Variants in MTX2 observed in about 807,000 individuals in gnomAD.
MTX2 encodes the protein metaxin-2.
In MTX2, 35 loss-of-function variants were observed where a neutral mutation model predicts 42.3. That is an observed-to-expected ratio of 0.83 (90% confidence interval 0.63 to 1.10). The LOEUF (loss-of-function observed/expected upper bound fraction) is 1.10, where lower values mean the gene tolerates loss of function less well. MTX2 is among the 50% of genes least tolerant of loss of function. The pLI, the probability that MTX2 is intolerant of heterozygous loss-of-function variation, is 0.00. For synonymous variants in MTX2, 119 were observed against 100.9 expected, an observed-to-expected ratio of 1.18 and a Z score of -1.08; for missense variants, 307 against 304.1, an observed-to-expected ratio of 1.01 and a Z score of -0.07.
At chr2:176,301,788 A>G (rs896677960) in intron 3 of MTX2, among the ~76,000 whole-genome samples, 2 of 152,180 alleles carry the variant, frequency 1.3e-5, no homozygotes, top group Non-Finnish European at 2.9e-5. Context: ...GTTTACATTA[A>G]GGAGTAAAAG....
At chr2:176,326,351 T>C in intron 4 of MTX2, among the ~76,000 whole-genome samples, 1 of 151,710 alleles carries the variant, frequency 6.6e-6, no homozygotes, top group South Asian at 2.1e-4. Flanking sequence ...CTTAAAATGT[T>C]GATCTCAATG....
At chr2:176,326,985 C>A in intron 5 of MTX2, 84 bp downstream of exon 5, 1 of 765,796 alleles carries the variant, frequency 1.3e-6, no homozygotes, top group East Asian at 3.1e-5. Flanking sequence ...ACATTGATTT[C>A]AACCTAGTTT....
chr2:176,327,253 A>G (rs1388266649), intron 5 of MTX2, among the ~76,000 whole-genome samples: 1 of 151,162 alleles, frequency 6.6e-6, no homozygotes, highest in Non-Finnish European at 1.5e-5. Context: ...TGACCTTTGA[A>G]AAGGGAGATA....
chr2:176,332,213 AT>A (rs1684879792), intron 9 of MTX2, among the ~76,000 whole-genome samples: 2 of 151,362 alleles, frequency 1.3e-5, no homozygotes, highest in African/African-American at 4.8e-5. Context: ...AAGAGATTTG[AT>A]TTTTAATTTT....
intron 3 of MTX2, among the ~76,000 whole-genome samples, chr2:176,312,330 A>G (rs1375606006): frequency 5.9e-5 from 9 of 152,292 alleles, no homozygotes; most frequent in Admixed American, 1.3e-4. Flanking sequence ...TTGTATGCCA[A>G]GGACTAAAGT....
chr2:176,336,514 A>G lies in MTX2; in HGVS notation c.621-979A>G, dbSNP rs535397001. On this transcript the variant is annotated intron_variant, in intron 9 of 9. Coordinates refer to ENST00000249442, the MANE Select transcript of MTX2 (RefSeq NM_006554.5). ...TTATGCATCTATTAAAACACTTAAT[A>G]AATTGTATTTATTAAAACAACTTTA... 2.0e-5 allele frequency among the ~76,000 whole-genome samples: 3 copies of G among 152,282 alleles called. No homozygotes were observed. In the East Asian group the frequency reaches 5.8e-4, roughly 29 times the overall value.
intron 1 of MTX2, among the ~76,000 whole-genome samples, chr2:176,270,985 A>G (rs776621197): frequency 4.6e-5 from 7 of 152,238 alleles, no homozygotes; most frequent in Non-Finnish European, 7.3e-5. Flanking sequence ...TGAAAAAAAA[A>G]ACTTCACAGT....
At chr2:176,287,291 G>A (rs946762965) in intron 1 of MTX2, among the ~76,000 whole-genome samples, 31 of 152,160 alleles carry the variant, frequency 2.0e-4, no homozygotes, top group African/African-American at 7.2e-4. Flanking sequence ...ATTTGTAGCT[G>A]TGGCTAAATT....
At chr2:176,333,489 G>T (rs1167630669) in intron 9 of MTX2, among the ~76,000 whole-genome samples, 1 of 151,624 alleles carries the variant, frequency 6.6e-6, no homozygotes, top group Non-Finnish European at 1.5e-5. Flanking sequence ...TTGTGTAACT[G>T]TCACCTATCA....
chr2:176,271,964 G>A (rs1021142961), intron 1 of MTX2, among the ~76,000 whole-genome samples: 2 of 152,086 alleles, frequency 1.3e-5, no homozygotes, highest in Non-Finnish European at 2.9e-5. Context: ...CATTGCAGCA[G>A]TATTCACAAT....
rs936383962 is a variant in MTX2 at position 176,278,326 on chromosome 2, T to C, written c.40+8657T>C. 5.3e-5 allele frequency among the ~76,000 whole-genome samples: 8 copies of C among 152,124 alleles called. No homozygotes were observed. The East Asian group carries it at 5.8e-4, about 11-fold the overall frequency. Reference sequence around the variant, plus strand: ...TCAGCCTCCCAAAGTGCTGGGATTATAGGTGTGAGCCACTGCACCTGGCCA... The same window carrying C: ...TCAGCCTCCCAAAGTGCTGGGATTACAGGTGTGAGCCACTGCACCTGGCCA... On this transcript the variant is annotated intron_variant, in intron 1 of 9. Transcript: ENST00000249442.
At chr2:176,313,388 C>CTTTTTTTTTTTTTT (rs1207416607) in intron 3 of MTX2, among the ~76,000 whole-genome samples, 3 of 103,510 alleles carry the variant, frequency 2.9e-5, no homozygotes, top group African/African-American at 1.2e-4. Context: ...TACACTGATT[C>CTTTTTTTTTTTTTT]TTTTTTTTTT....
At chr2:176,296,838 T>C (rs759832593) in intron 1 of MTX2, 22 bp from the exon 2 acceptor site, 14 of 1,612,630 alleles carry the variant, frequency 8.7e-6, no homozygotes, top group African/African-American at 2.7e-5. Context: ...TGTGCCTAAT[T>C]ATCACTGCCT....
At chr2:176,285,158 A>G (rs1693165305) in intron 1 of MTX2, among the ~76,000 whole-genome samples, 1 of 152,202 alleles carries the variant, frequency 6.6e-6, no homozygotes, top group South Asian at 2.1e-4. Context: ...GCTGTCACTT[A>G]CTAGCATTGT....
intron 3 of MTX2, among the ~76,000 whole-genome samples, chr2:176,313,432 T>A (rs7568154): frequency 0.26 from 37,527 of 141,824 alleles, 5,322 homozygotes; most frequent in African/African-American, 0.35. Context: ...TCACTCTGTC[T>A]CCCAGACTGG....
At chr2:176,281,766 A>G (rs898578222) in intron 1 of MTX2, among the ~76,000 whole-genome samples, 1 of 151,958 alleles carries the variant, frequency 6.6e-6, no homozygotes, top group African/African-American at 2.4e-5. Flanking sequence ...CTAAAGAAGG[A>G]TGGGGATAGA....
At chr2:176,329,052 C>T in intron 7 of MTX2, 140 bp downstream of exon 7, 2 of 897,088 alleles carry the variant, frequency 2.2e-6, no homozygotes, top group Non-Finnish European at 1.7e-6. Context: ...TTTAATTTTG[C>T]TTGCACATAA....
At chr2:176,288,238 A>G (rs1037067094) in intron 1 of MTX2, among the ~76,000 whole-genome samples, 2 of 152,084 alleles carry the variant, frequency 1.3e-5, no homozygotes, top group Admixed American at 6.6e-5. Context: ...ATAAAGTCCC[A>G]TATCATCATA....
intron 3 of MTX2, among the ~76,000 whole-genome samples, chr2:176,306,394 G>A (rs1684144987): frequency 6.6e-6 from 1 of 152,150 alleles, no homozygotes; most frequent in Non-Finnish European, 1.5e-5. Context: ...CTTTATAGTA[G>A]CATGATTCAT....
Sources: gnomAD v4.1 joint callset for allele counts (sites outside exome capture counted in the v4.1 genomes callset) on GRCh38, gnomAD v4.1.1 for gene constraint, MANE v1.5 for transcripts, NCBI Gene and HGNC (gene_info 2026-07-23, HGNC 2026-07-21) for gene names.